Variants in MCCC1 observed in about 807,000 individuals in gnomAD.
The protein encoded by MCCC1 is methylcrotonyl-CoA carboxylase subunit 1.
A neutral mutation model predicts 83.8 loss-of-function variants in MCCC1; 64 were observed. The observed-to-expected ratio is 0.76, with a 90% CI of 0.62 to 0.94. The LOEUF (loss-of-function observed/expected upper bound fraction) is 0.94, where lower values mean the gene tolerates loss of function less well. Among genes scored for constraint, MCCC1 ranks in the 40% least tolerant of loss-of-function variants. The pLI is 0.00. For missense variants in MCCC1, 807 were observed against 904.7 expected (o/e 0.89, Z 1.39); for synonymous variants, 322 against 315.4 (o/e 1.02, Z -0.22).
chr3:183,080,157 T>C (rs923505390), intron 4 of MCCC1, among the ~76,000 whole-genome samples: 3 of 152,356 alleles, frequency 2.0e-5, no homozygotes, highest in Admixed American at 2.0e-4. Context: ...TTGTTACTTA[T>C]GTAAATTTCT....
Position 183,022,545 on chromosome 3 carries a change from T to G in MCCC1, c.1741A>C (p.Lys581Gln), listed in dbSNP as rs200087746. 6.2e-7 allele frequency: 1 copy of G among 1,612,470 alleles called. No individual in the cohort carries two copies. The highest frequency in any genetic ancestry group is 8.5e-7 in the Non-Finnish European group (1 of 1,178,728). The change falls in exon 16 of 19, where the codon AAA (lysine) becomes CAA (glutamine). Residue 581 changes from lysine (K) to glutamine (Q), a missense_variant. Physicochemically the swap from Lys to Gln is moderately conservative, Grantham distance 53 (BLOSUM62 1). Transcript: ENST00000265594. ...DGSYSMQIED[K>Q]TFQVLGNLYS... ...AGATTACCAAGGACTTGGAAAGTTT[T>G]ATCTTCAATCTGAAAAAAATGAAAA...
chr3:183,091,377 G>A (rs1396564085), intron 3 of MCCC1, among the ~76,000 whole-genome samples: 1 of 151,958 alleles, frequency 6.6e-6, no homozygotes, highest in Admixed American at 6.5e-5. Context: ...AGACCATTTT[G>A]GCCAACATGG....
intron 11 of MCCC1, among the ~76,000 whole-genome samples, chr3:183,039,343 A>C (rs1268245276): frequency 1.3e-5 from 2 of 152,250 alleles, no homozygotes; most frequent in Admixed American, 1.3e-4. Flanking sequence ...ACCCAACAGC[A>C]CCAGGCCCTA....
intron 4 of MCCC1, among the ~76,000 whole-genome samples, chr3:183,085,910 G>A (rs967869833): frequency 2.0e-5 from 3 of 152,120 alleles, no homozygotes; most frequent in African/African-American, 7.2e-5. Context: ...GGTTCTTTTG[G>A]AACTCCAAGA....
intron 7 of MCCC1, among the ~76,000 whole-genome samples, chr3:183,058,245 T>C (rs1419941355): frequency 6.6e-6 from 1 of 152,132 alleles, no homozygotes; most frequent in East Asian, 1.9e-4. Flanking sequence ...AAATGGCTCA[T>C]CCAGAAAAGT....
At chr3:183,036,070 TGCGGTGTTTGGTTTAAAG>T (rs1438831374) in intron 13 of MCCC1, among the ~76,000 whole-genome samples, 1 of 142,120 alleles carries the variant, frequency 7.0e-6, no homozygotes, top group Non-Finnish European at 1.5e-5. Flanking sequence ...AGTGAGAACA[TGCGGTGTTTGGTTTAAAG>T]GCAGAACTTT....
chr3:183,025,934 C>T, intron 14 of MCCC1, 130 bp from the exon 15 acceptor site: 2 of 755,022 alleles, frequency 2.6e-6, no homozygotes, highest in South Asian at 1.6e-5. Context: ...CAACTTTGAA[C>T]TTCTTGGAAA....
In MCCC1 at chr3:183,057,335, C is replaced by T; in HGVS notation, c.849G>A (p.Gln283=). ...ERDCSVQRRH[Q]KIIEEAPAPG... is the part of the protein sequence containing the mutation. ...CCGCTGGGGCCTCCTCAATGATCTT[C>T]TGATGTCGCCTCTGCACACTACAGT... The change falls in exon 8 of 19, where the codon CAG becomes CAA. Residue 283 remains glutamine, a synonymous_variant. Transcript: ENST00000265594. 1 of 1,608,530 alleles carries T rather than the reference C, an allele frequency of 6.2e-7. No individual in the cohort carries two copies.
At chr3:183,041,500 G>C (rs998388318) in intron 11 of MCCC1, 67 bp downstream of exon 11, 15 of 1,515,270 alleles carry the variant, frequency 9.9e-6, no homozygotes, top group African/African-American at 1.4e-5. Flanking sequence ...GGATAAGAAT[G>C]TGTCCAAAAA....
intron 16 of MCCC1, among the ~76,000 whole-genome samples, chr3:183,020,793 C>T (rs1407423171): frequency 1.3e-5 from 2 of 152,208 alleles, no homozygotes; most frequent in Non-Finnish European, 2.9e-5. Context: ...GGCGCCGTGG[C>T]TCACGCCTGT....
intron 10 of MCCC1, among the ~76,000 whole-genome samples, chr3:183,043,708 T>C (rs1714301813): frequency 6.6e-6 from 1 of 152,204 alleles, no homozygotes; most frequent in Non-Finnish European, 1.5e-5. Context: ...CCTCCCCAGA[T>C]GATAAAAGCT....
chr3:183,091,966 C>T (rs141362124), intron 3 of MCCC1, among the ~76,000 whole-genome samples: 88 of 151,872 alleles, frequency 5.8e-4, no homozygotes, highest in Middle Eastern at 3.4e-3. Context: ...GCAGGAGAAT[C>T]GCTTGAACCT....
intron 4 of MCCC1, among the ~76,000 whole-genome samples, chr3:183,077,351 C>T (rs1277056153): frequency 6.6e-6 from 1 of 152,140 alleles, no homozygotes; most frequent in Non-Finnish European, 1.5e-5. Flanking sequence ...GTTTACATTC[C>T]CATCAGTAAC....
intron 8 of MCCC1, among the ~76,000 whole-genome samples, 191 bp downstream of exon 8, chr3:183,057,119 AC>A (rs1325811056): frequency 5.9e-5 from 9 of 152,084 alleles, no homozygotes; most frequent in African/African-American, 1.7e-4. Flanking sequence ...TGTTGTGTCT[AC>A]CCCCAGAACA....
chr3:183,088,906 C>A (rs1250147958), intron 3 of MCCC1, among the ~76,000 whole-genome samples: 1 of 152,134 alleles, frequency 6.6e-6, no homozygotes, highest in Non-Finnish European at 1.5e-5. Context: ...TCTCTTAATG[C>A]GCACTTAGGT....
At chr3:183,088,365 C>T (rs1419472252) in intron 3 of MCCC1, among the ~76,000 whole-genome samples, 1 of 151,980 alleles carries the variant, frequency 6.6e-6, no homozygotes, top group Non-Finnish European at 1.5e-5. Flanking sequence ...CACAATCACG[C>T]CCAGCTAATT....
chr3:183,082,865 G>T (rs181148870), intron 4 of MCCC1, among the ~76,000 whole-genome samples: 9 of 152,188 alleles, frequency 5.9e-5, no homozygotes, highest in Non-Finnish European at 8.8e-5. Context: ...TGTGCCTACA[G>T]TCCCATCACA....
intron 3 of MCCC1, among the ~76,000 whole-genome samples, chr3:183,091,307 C>G (rs1156315123): frequency 6.6e-6 from 1 of 152,200 alleles, no homozygotes; most frequent in African/African-American, 2.4e-5. Flanking sequence ...GTGGCTCACG[C>G]CTGTAATCCC....
chr3:183,113,078 G>T (rs1266460235), intron 1 of MCCC1, among the ~76,000 whole-genome samples: 2 of 151,998 alleles, frequency 1.3e-5, no homozygotes, highest in Admixed American at 1.3e-4. Flanking sequence ...ACAAAAATTA[G>T]CTGGGCGTGG....
Sources: gnomAD v4.1 joint callset for allele counts (sites outside exome capture counted in the v4.1 genomes callset) on GRCh38, gnomAD v4.1.1 for gene constraint, MANE v1.5 for transcripts, NCBI Gene and HGNC (gene_info 2026-07-23, HGNC 2026-07-21) for gene names.